LIN28B: variants seen among roughly 807,000 people sequenced by gnomAD.
The protein encoded by LIN28B is protein lin-28 homolog B.
Under a neutral mutation model 21.9 loss-of-function variants are expected in LIN28B, and 5 were observed. The observed-to-expected ratio is 0.23, with a 90% CI of 0.12 to 0.48. The LOEUF is 0.48. Ranked by LOEUF, LIN28B falls within the 20% of genes least tolerant of loss-of-function variation. The pLI is 0.98. For synonymous variants in LIN28B, 109 were observed against 111.3 expected, an observed-to-expected ratio of 0.98 and a Z score of 0.13; for missense variants, 245 against 310.5, an observed-to-expected ratio of 0.79 and a Z score of 1.58.
chr6:105,049,269 C>T (rs1262172408), intron 3 of LIN28B, among the ~76,000 whole-genome samples: 1 of 152,154 alleles, frequency 6.6e-6, no homozygotes, highest in East Asian at 1.9e-4. Flanking sequence ...ACCCAGTAGT[C>T]GTTCAGGAGC....
intron 2 of LIN28B, among the ~76,000 whole-genome samples, chr6:104,978,469 A>G (rs1187982016): frequency 1.3e-5 from 2 of 152,110 alleles, no homozygotes; most frequent in Non-Finnish European, 2.9e-5. Context: ...TTATTTATAG[A>G]AATCAGTAAC....
At chr6:104,986,738 C>G (rs1326159508) in intron 2 of LIN28B, among the ~76,000 whole-genome samples, 2 of 152,096 alleles carry the variant, frequency 1.3e-5, no homozygotes, top group Non-Finnish European at 2.9e-5. Context: ...AACATTGCTC[C>G]AAGAATGTAA....
At chr6:105,025,765 A>C (rs1771275013) in intron 2 of LIN28B, among the ~76,000 whole-genome samples, 1 of 152,000 alleles carries the variant, frequency 6.6e-6, no homozygotes, top group Non-Finnish European at 1.5e-5. Context: ...CAAAATTAAA[A>C]TTTTACATAG....
intron 2 of LIN28B, among the ~76,000 whole-genome samples, chr6:105,007,722 G>T (rs913317690): frequency 6.6e-6 from 1 of 151,972 alleles, no homozygotes; most frequent in East Asian, 1.9e-4. Flanking sequence ...TAGAGATGGG[G>T]TCTCACTGTG....
At chr6:104,946,294 G>A (rs1310294464) in intron 2 of LIN28B, among the ~76,000 whole-genome samples, 2 of 151,950 alleles carry the variant, frequency 1.3e-5, no homozygotes, top group African/African-American at 4.8e-5. Context: ...TAGATTTTCT[G>A]TTCCTGTGTA....
intron 2 of LIN28B, among the ~76,000 whole-genome samples, chr6:105,006,678 C>T (rs967774462): frequency 6.6e-6 from 1 of 152,162 alleles, no homozygotes; most frequent in Admixed American, 6.5e-5. Context: ...GGTTTTATCT[C>T]TCTTGCACTA....
intron 3 of LIN28B, among the ~76,000 whole-genome samples, chr6:105,056,151 C>T (rs924746214): frequency 5.3e-5 from 8 of 151,818 alleles, no homozygotes; most frequent in Admixed American, 1.3e-4. Context: ...TTTATGATAG[C>T]GATTTTGAGT....
rs1562084108 is a variant in LIN28B, at chr6:104,991,162, C to CGGACAG, written c.198+32879_198+32884dup. On this transcript the variant is annotated intron_variant, in intron 2 of 3. Coordinates refer to ENST00000345080, the MANE Select transcript of LIN28B (RefSeq NM_001004317.4). Reference sequence around the variant, plus strand: ...CGGGCAGAGGCGCCCCCCCACCTCCCGGACAGGGCGGCGGCCAGGCGGAGA... The same window carrying CGGACAG: ...CGGGCAGAGGCGCCCCCCCACCTCCCGGACAGGGACAGGGCGGCGGCCAGGCGGAGA... Among the ~76,000 whole-genome samples, 11 of 143,896 alleles carry CGGACAG rather than the reference C, an allele frequency of 7.6e-5. No homozygotes were observed. In the East Asian group the frequency reaches 2.4e-3, roughly 32 times the overall value. 94.4% of individuals were successfully genotyped at this position (143,896 alleles called of 152,430 possible). A position where few individuals can be genotyped will look rare whatever the true frequency, so the allele number is the denominator to read the frequency against.
intron 2 of LIN28B, among the ~76,000 whole-genome samples, chr6:105,000,354 G>C (rs1770697807): frequency 6.6e-6 from 1 of 152,250 alleles, no homozygotes; most frequent in Admixed American, 6.5e-5. Context: ...AATGGTCACA[G>C]TAGTGTGGTG....
At chr6:104,950,376 A>G in intron 2 of LIN28B, 4 of 717,072 alleles carry the variant, frequency 5.6e-6, no homozygotes, top group East Asian at 3.4e-5. Flanking sequence ...TGGGCATTTT[A>G]TTGCTTTCTA....
intron 3 of LIN28B, among the ~76,000 whole-genome samples, chr6:105,029,351 AT>A (rs1416119568): frequency 2.0e-5 from 3 of 152,156 alleles, no homozygotes; most frequent in Non-Finnish European, 4.4e-5. Context: ...TACTGGAGTG[AT>A]TTCCTTGAGT....
chr6:104,975,062 C>T (rs544604863), intron 2 of LIN28B, among the ~76,000 whole-genome samples: 18 of 152,144 alleles, frequency 1.2e-4, no homozygotes, highest in East Asian at 3.9e-4. Context: ...TCAGGTGATC[C>T]GCCCACTTCG....
intron 2 of LIN28B, among the ~76,000 whole-genome samples, chr6:105,023,622 A>T (rs1193228178): frequency 1.6e-5 from 1 of 62,822 alleles, no homozygotes; most frequent in Non-Finnish European, 2.9e-5. Flanking sequence ...AATATATATT[A>T]TATATTTTAT....
At chr6:104,946,547 T>A (rs1271378345) in intron 2 of LIN28B, among the ~76,000 whole-genome samples, 1 of 152,178 alleles carries the variant, frequency 6.6e-6, no homozygotes, top group African/African-American at 2.4e-5. Context: ...ACTTCCATGT[T>A]TAATATTTTA....
chr6:105,014,611 T>C (rs1770989752), intron 2 of LIN28B, among the ~76,000 whole-genome samples: 1 of 152,166 alleles, frequency 6.6e-6, no homozygotes, highest in Non-Finnish European at 1.5e-5. Context: ...CGTGAGCCAC[T>C]GCACCTGGCC....
intron 2 of LIN28B, among the ~76,000 whole-genome samples, chr6:104,994,772 CAGTT>C (rs975967315): frequency 3.9e-5 from 6 of 152,124 alleles, no homozygotes; most frequent in South Asian, 2.1e-4. Flanking sequence ...CGGTGTGAGA[CAGTT>C]GGTTGAAGAG....
At chr6:105,038,531 G>C (rs1199183595) in intron 3 of LIN28B, among the ~76,000 whole-genome samples, 2 of 152,148 alleles carry the variant, frequency 1.3e-5, no homozygotes, top group South Asian at 2.1e-4. Flanking sequence ...AGTCTGGCCA[G>C]GTCCAAGAAT....
At chr6:104,997,771 T>C (rs1342213753) in intron 2 of LIN28B, among the ~76,000 whole-genome samples, 3 of 152,194 alleles carry the variant, frequency 2.0e-5, no homozygotes, top group Admixed American at 2.0e-4. Flanking sequence ...TAAAAATTAG[T>C]CTTAGCACAT....
chr6:104,952,790 C>T (rs1778234821), upstream of LIN28B, among the ~76,000 whole-genome samples: 1 of 152,072 alleles, frequency 6.6e-6, no homozygotes, highest in Non-Finnish European at 1.5e-5. Flanking sequence ...CTTTATTATT[C>T]TGGGGAAAGT....
Sources: allele counts gnomAD v4.1 joint callset (sites outside exome capture counted in the v4.1 genomes callset), GRCh38; gene constraint gnomAD v4.1.1; transcripts MANE v1.5; gene names NCBI Gene and HGNC (gene_info 2026-07-23, HGNC 2026-07-21).